The following TRHDE variants were observed in gnomAD, a reference collection of about 807,000 sequenced individuals.
TRHDE encodes the protein thyrotropin releasing hormone degrading enzyme.
A neutral mutation model predicts 125.7 loss-of-function variants in TRHDE; 72 were observed. The observed-to-expected ratio is 0.57, with a 90% CI of 0.47 to 0.70. The LOEUF (loss-of-function observed/expected upper bound fraction) is 0.70. Ranked by LOEUF, TRHDE falls within the 30% of genes least tolerant of loss-of-function variation. The probability of loss-of-function intolerance (pLI) is 0.00; values close to 1 mark genes in which losing one functional copy is unlikely to be tolerated. For missense variants in TRHDE, 1,110 were observed against 1,327.1 expected (o/e 0.84, Z 2.54); for synonymous variants, 509 against 509.1 (o/e 1.00, Z 0.00).
intron 2 of TRHDE, among the ~76,000 whole-genome samples, chr12:72,292,795 C>T (rs1284979677): frequency 6.6e-6 from 1 of 152,056 alleles, no homozygotes; most frequent in Non-Finnish European, 1.5e-5. Context: ...ATGACAGTGC[C>T]CTAATTCCAA....
intron 2 of TRHDE, among the ~76,000 whole-genome samples, chr12:72,230,104 A>G (rs1331852913): frequency 6.6e-6 from 1 of 152,172 alleles, no homozygotes; most frequent in Non-Finnish European, 1.5e-5. Context: ...TGTTCTAAAA[A>G]CTGTTGTGCC....
intron 2 of TRHDE, among the ~76,000 whole-genome samples, chr12:72,352,904 G>T (rs1018450342): frequency 1.3e-5 from 2 of 150,756 alleles, no homozygotes; most frequent in African/African-American, 4.9e-5. Flanking sequence ...TTGAGACAAA[G>T]TACTTGTCTC....
At chr12:72,446,777 A>G (rs1467803951) in intron 3 of TRHDE, among the ~76,000 whole-genome samples, 28 of 152,206 alleles carry the variant, frequency 1.8e-4, no homozygotes, top group Non-Finnish European at 5.9e-5. Flanking sequence ...AGGCCATTAC[A>G]TAATGGTAAA....
intron 9 of TRHDE, among the ~76,000 whole-genome samples, chr12:72,563,605 GTTTC>G (rs1211763522): frequency 4.6e-5 from 7 of 152,062 alleles, no homozygotes; most frequent in Admixed American, 3.9e-4. Context: ...TTTATTTGTT[GTTTC>G]TTTAACTTTC....
chr12:72,177,026 T>C (rs1422329508), intron 2 of TRHDE, among the ~76,000 whole-genome samples: 2 of 152,172 alleles, frequency 1.3e-5, no homozygotes, highest in Non-Finnish European at 2.9e-5. Context: ...GCGGTGATAT[T>C]CTTGGAATGG....
chr12:72,402,871 G>T (rs1380529180), intron 3 of TRHDE, among the ~76,000 whole-genome samples: 1 of 152,112 alleles, frequency 6.6e-6, no homozygotes, highest in Non-Finnish European at 1.5e-5. Context: ...ATATGGTGGA[G>T]GTGTGAGTGT....
intron 2 of TRHDE, among the ~76,000 whole-genome samples, chr12:72,241,784 G>A (rs1878487186): frequency 6.6e-6 from 1 of 152,138 alleles, no homozygotes; most frequent in South Asian, 2.1e-4. Context: ...AGTACCTGCT[G>A]CTCTGAATGT....
At chr12:72,561,333 T>G (rs1168989768) in intron 7 of TRHDE, among the ~76,000 whole-genome samples, 1 of 152,294 alleles carries the variant, frequency 6.6e-6, no homozygotes, top group Non-Finnish European at 1.5e-5. Flanking sequence ...ACTATATATA[T>G]GTTGCAGAGA....
upstream of TRHDE, among the ~76,000 whole-genome samples, chr12:72,270,416 C>A (rs549459692): frequency 6.6e-6 from 1 of 151,410 alleles, no homozygotes; most frequent in Non-Finnish European, 1.5e-5. Flanking sequence ...TCGAGCAGGG[C>A]TGTGTTTTTA....
intron 3 of TRHDE, among the ~76,000 whole-genome samples, chr12:72,415,038 T>C (rs1873673287): frequency 6.6e-6 from 1 of 152,098 alleles, no homozygotes; most frequent in Non-Finnish European, 1.5e-5. Flanking sequence ...CAGGGGCTCC[T>C]ACTGTTCGTT....
chr12:72,171,244 A>C (rs1430581480), intron 2 of TRHDE, among the ~76,000 whole-genome samples: 3 of 148,462 alleles, frequency 2.0e-5, no homozygotes, highest in Non-Finnish European at 4.4e-5. Flanking sequence ...CCTTATCTAA[A>C]TGTCCAAGAA....
intron 2 of TRHDE, among the ~76,000 whole-genome samples, chr12:72,325,088 A>C (rs907859896): frequency 6.6e-6 from 1 of 152,126 alleles, no homozygotes; most frequent in African/African-American, 2.4e-5. Flanking sequence ...AAAGAATTTA[A>C]AAAAAGAAAA....
At chr12:72,606,513 G>A (rs758852035) in intron 12 of TRHDE, among the ~76,000 whole-genome samples, 1 of 152,080 alleles carries the variant, frequency 6.6e-6, no homozygotes, top group Non-Finnish European at 1.5e-5. Flanking sequence ...TTTAACTCAC[G>A]ATGACGCTGG....
chr12:72,135,902 G>A (rs763797877), intron 2 of TRHDE, among the ~76,000 whole-genome samples: 1 of 151,968 alleles, frequency 6.6e-6, no homozygotes, highest in East Asian at 1.9e-4. Context: ...ACGGTACTGG[G>A]CAGCTCAGTA....
In TRHDE at chr12:72,123,440, C is replaced by T. The variant is rs767874345; in HGVS notation, n.279+17688C>T. Among the ~76,000 whole-genome samples, 15 of 151,910 alleles carry T rather than the reference C, an allele frequency of 9.9e-5. No homozygotes were observed. The South Asian group carries it at 1.5e-3, about 15-fold the overall frequency. On this transcript the variant is annotated intron_variant and non_coding_transcript_variant, in intron 2 of 4. Transcript: ENST00000548156. The stretch of plus-strand genomic sequence containing the variant: ...AAGTAGAAAGAAGAATATTACAAAA[C>T]TCATAAAATGTCATAATTGAATCCC...
intron 2 of TRHDE, among the ~76,000 whole-genome samples, chr12:72,333,096 T>C (rs966416981): frequency 6.6e-6 from 1 of 152,232 alleles, no homozygotes; most frequent in Non-Finnish European, 1.5e-5. Context: ...TGACTAATGG[T>C]TGTCAGGTCC....
chr12:72,639,582 T>G lies in TRHDE; in HGVS notation c.2676-12740T>G, dbSNP rs1425728482. 3.3e-5 allele frequency among the ~76,000 whole-genome samples: 5 copies of G among 150,254 alleles called. No homozygotes were observed. The East Asian group carries it at 5.8e-4, about 17-fold the overall frequency. ...CTTTGGAGGAGGAGAGGCGCTCTGC[T>G]TTTTAGAGTTTCCAGTTTTTCTGCT... On this transcript the variant is annotated intron_variant, in intron 15 of 18. Transcript: ENST00000261180.
intron 2 of TRHDE, among the ~76,000 whole-genome samples, chr12:72,295,703 G>T (rs1298298938): frequency 2.0e-5 from 3 of 152,084 alleles, no homozygotes; most frequent in Non-Finnish European, 2.9e-5. Flanking sequence ...GGACTCTTCT[G>T]TGAAGTTTTC....
At chr12:72,193,878 A>G (rs1877386255) in intron 2 of TRHDE, among the ~76,000 whole-genome samples, 1 of 152,106 alleles carries the variant, frequency 6.6e-6, no homozygotes, top group Non-Finnish European at 1.5e-5. Flanking sequence ...TCCATCAGCT[A>G]GCTAGTTTTT....
Sources: gnomAD v4.1 joint callset for allele counts (sites outside exome capture counted in the v4.1 genomes callset) on GRCh38, gnomAD v4.1.1 for gene constraint, MANE v1.5 for transcripts, NCBI Gene and HGNC (gene_info 2026-07-23, HGNC 2026-07-21) for gene names.